MLXIPL: variants seen among roughly 807,000 people sequenced by gnomAD.
The protein encoded by MLXIPL is carbohydrate-responsive element-binding protein.
A neutral mutation model predicts 81.5 loss-of-function variants in MLXIPL; 49 were observed. The observed-to-expected ratio is 0.60, with a 90% CI of 0.48 to 0.76. MLXIPL has a LOEUF of 0.76. MLXIPL is among the 30% of genes least tolerant of loss of function. The pLI, the probability that MLXIPL is intolerant of heterozygous loss-of-function variation, is 0.00. For synonymous variants in MLXIPL, 466 were observed against 485.5 expected, an observed-to-expected ratio of 0.96 and a Z score of 0.53; for missense variants, 1,053 against 1,167.0, an observed-to-expected ratio of 0.90 and a Z score of 1.42.
At chr7:73,610,048 C>G (rs1372896637) in intron 2 of MLXIPL, 1 of 152,690 alleles carries the variant, frequency 6.5e-6, no homozygotes, top group East Asian at 1.9e-4. Flanking sequence ...CTTTCCTGCT[C>G]TAGCCTCATA....
chr7:73,624,706 T>G (rs1327790163), upstream of MLXIPL: 13 of 593,230 alleles, frequency 2.2e-5, no homozygotes, highest in Non-Finnish European at 2.5e-5. Context: ...CCATCTCCCT[T>G]CCCGTCTTTC....
chr7:73,645,844 A>G, the MLXIPL span, among the ~76,000 whole-genome samples: 1 of 152,120 alleles, frequency 6.6e-6, no homozygotes, highest in Non-Finnish European at 1.5e-5. Context: ...CTTGAGCCAG[A>G]GCCTTGACCT....
chr7:73,606,165 T>C, intron 5 of MLXIPL, 54 bp from the exon 6 acceptor site: 1 of 1,524,368 alleles, frequency 6.6e-7, no homozygotes, highest in Non-Finnish European at 8.9e-7. Context: ...GCCCCGATCT[T>C]CCATATCACC....
At chr7:73,636,108 A>G in the MLXIPL span, among the ~76,000 whole-genome samples, 1 of 152,028 alleles carries the variant, frequency 6.6e-6, no homozygotes, top group African/African-American at 2.4e-5. Context: ...CTTGAGGGGG[A>G]CCTCAAAAGA....
In MLXIPL at chr7:73,597,522, G is replaced by T; in HGVS notation, c.1263C>A (p.Pro421=). The T allele has an allele frequency of 7.2e-7, 1 of 1,397,490 alleles. No individual in the cohort carries two copies. The highest frequency in any genetic ancestry group is 2.7e-5 in the East Asian group (1 of 37,044). The allele number at this position is 1,397,490 out of a possible 1,614,324, so 86.6% of individuals were successfully genotyped here. A position where few individuals can be genotyped will look rare whatever the true frequency, so the allele number is the denominator to read the frequency against. The change falls in exon 9 of 17, where the codon CCC becomes CCA. Residue 421 remains proline, a synonymous_variant. Transcript: ENST00000313375. ...GAGGCTCTTCCTGCAGCAAAGCAGT[G>T]GGTGGTGCCATGGGAGGGAAGGGAG... ...PPPPFPPMAP[P]TALLQEEPLF...
the MLXIPL span, among the ~76,000 whole-genome samples, chr7:73,642,954 C>G: frequency 6.6e-6 from 1 of 152,242 alleles, no homozygotes; most frequent in Non-Finnish European, 1.5e-5. Context: ...CTGAAACTCT[C>G]TAGGGGCCTC....
chr7:73,636,766 T>TAA, the MLXIPL span, among the ~76,000 whole-genome samples: 1 of 151,532 alleles, frequency 6.6e-6, no homozygotes, highest in African/African-American at 2.4e-5. Context: ...TTATATCAAT[T>TAA]AAAAAAAAAT....
intron 2 of MLXIPL, among the ~76,000 whole-genome samples, 181 bp from the exon 3 acceptor site, chr7:73,607,853 CTTTTT>C (rs1166806013): frequency 9.1e-6 from 1 of 110,360 alleles, no homozygotes; most frequent in Admixed American, 9.7e-5. Flanking sequence ...CTAGATCTTC[CTTTTT>C]TTTTTTTTTT....
chr7:73,602,068 C>T (rs1794872025), intron 7 of MLXIPL, among the ~76,000 whole-genome samples: 1 of 145,564 alleles, frequency 6.9e-6, no homozygotes, highest in African/African-American at 2.5e-5. Flanking sequence ...TTCTTGCTGT[C>T]CACCTGCCTG....
intron 16 of MLXIPL, 121 bp downstream of exon 16, chr7:73,594,153 G>A: frequency 1.3e-6 from 2 of 1,509,764 alleles, no homozygotes; most frequent in Non-Finnish European, 1.8e-6. Context: ...GGGGGATGCG[G>A]GGTGGCCACA....
chr7:73,623,066 A>T lies in MLXIPL; in HGVS notation c.293+1134T>A, dbSNP rs1375256638. On this transcript the variant is annotated intron_variant, in intron 1 of 16. Coordinates refer to ENST00000313375, the MANE Select transcript of MLXIPL (RefSeq NM_032951.3). This position sits in a 1 kb window ranked among gnomAD's most constrained non-coding sequence, Gnocchi z 5.7. Reference sequence around the variant, plus strand: ...ACGCCCTGGCCGATCGGGTTGCAACATGACCTGGGCCAGGGGCCAGAGCTT... The same window carrying T: ...ACGCCCTGGCCGATCGGGTTGCAACTTGACCTGGGCCAGGGGCCAGAGCTT... Among the ~76,000 whole-genome samples the T allele has an allele frequency of 3.9e-5, 6 of 152,222 alleles. No homozygotes were observed. Among genetic ancestry groups the T allele is most frequent in the East Asian group, 1.9e-4 (1 of 5,166 alleles).
the MLXIPL span, among the ~76,000 whole-genome samples, chr7:73,642,179 C>T: frequency 1.3e-5 from 2 of 152,112 alleles, no homozygotes; most frequent in African/African-American, 4.8e-5. Context: ...AATGATACAA[C>T]TCAGGAACAG....
At chr7:73,613,969 T>C (rs1013935497) in intron 2 of MLXIPL, among the ~76,000 whole-genome samples, 2 of 152,142 alleles carry the variant, frequency 1.3e-5, no homozygotes, top group Admixed American at 1.3e-4. Flanking sequence ...AAACCCTGTC[T>C]CCACTAAAAA....
At chr7:73,644,646 C>T in the MLXIPL span, among the ~76,000 whole-genome samples, 1 of 152,298 alleles carries the variant, frequency 6.6e-6, no homozygotes, top group South Asian at 2.1e-4. Context: ...TCTTTTCCTC[C>T]CCCCAGCCCG....
rs782583984 is a variant in MLXIPL at position 73,596,514 on chromosome 7, G to C, written c.1823-35C>G. 1 of 1,611,230 alleles carries C rather than the reference G, an allele frequency of 6.2e-7. No individual in the cohort carries two copies. Among genetic ancestry groups the C allele is most frequent in the East Asian group, 2.2e-5 (1 of 44,848 alleles). ...GGACAGACAGACCCACAGAAAGACC[G>C]ACCCAGGGGAAAGGGTCCCCATTGC... On this transcript the variant is annotated intron_variant, in intron 11 of 16. Transcript: ENST00000313375. The surrounding 1 kb of genome is among the most constrained non-coding windows in gnomAD (Gnocchi z 4.7).
chr7:73,616,058 G>A lies in MLXIPL; in HGVS notation c.400+13C>T. On this transcript the variant is annotated intron_variant, in intron 2 of 16. Coordinates refer to ENST00000313375, the MANE Select transcript of MLXIPL (RefSeq NM_032951.3). ...GTCCCTCCCGGCTTGGGAGGCTGGT[G>A]GTAGCCACTCACACTGGATATACCA... 6.2e-7 allele frequency: 1 copy of A among 1,608,082 alleles called. No homozygotes were observed. The highest frequency in any genetic ancestry group is 8.5e-7 in the Non-Finnish European group (1 of 1,174,568).
rs921715555 is a variant in MLXIPL at position 73,599,395 on chromosome 7, C to T, written c.1071+131G>A. 31 of 1,192,064 alleles carry T rather than the reference C, an allele frequency of 2.6e-5. No individual in the cohort carries two copies. In the Middle Eastern group the frequency reaches 1.1e-3, roughly 42 times the overall value. 73.8% of individuals were successfully genotyped at this position (1,192,064 alleles called of 1,614,324 possible). A position where few individuals can be genotyped will look rare whatever the true frequency, so the allele number is the denominator to read the frequency against. On this transcript the variant is annotated intron_variant, in intron 8 of 16. Transcript: ENST00000313375. ...CCCTCCCAGAGGGCAGAGATGGGGT[C>T]TTTCTTTCCCTCCAATCTCCAAGCA...
In MLXIPL at chr7:73,593,482, G is replaced by T; in HGVS notation, c.*383C>A. The T allele has an allele frequency of 3.3e-6, 1 of 307,030 alleles. No individual in the cohort carries two copies. The highest frequency in any genetic ancestry group is 8.1e-5 in the East Asian group (1 of 12,324). The allele number at this position is 307,030 out of a possible 1,614,324, so 19.0% of individuals were successfully genotyped here. On this transcript the variant is annotated 3_prime_UTR_variant, in exon 17 of 17. Transcript: ENST00000313375. ...AGCAAGTGGAGGTGACAGAGAAACA[G>T]CATCCTCCTCTTTCCACCGTTGAGC...
chr7:73,611,531 A>G (rs1795688369), intron 2 of MLXIPL: 1 of 152,090 alleles, frequency 6.6e-6, no homozygotes, highest in Admixed American at 6.6e-5. Context: ...ATTCTCCAAA[A>G]TCTGCTGGGC....
Sources: gnomAD v4.1 joint callset for allele counts (sites outside exome capture counted in the v4.1 genomes callset) on GRCh38, gnomAD v4.1.1 for gene constraint, Gnocchi (gnomAD v3.1) non-coding constraint, MANE v1.5 for transcripts, NCBI Gene and HGNC (gene_info 2026-07-23, HGNC 2026-07-21) for gene names.